Variants in KCNQ3 observed in about 807,000 individuals in gnomAD.
The protein encoded by KCNQ3 is potassium voltage-gated channel subfamily KQT member 3.
KCNQ3 carries 30 observed loss-of-function variants against 92.5 expected under a neutral mutation model. The observed-to-expected ratio is 0.32, with a 90% confidence interval of 0.24 to 0.44. The LOEUF (loss-of-function observed/expected upper bound fraction) is 0.44. KCNQ3 is among the 20% of genes least tolerant of loss of function. KCNQ3 has a pLI of 1.00. For missense variants in KCNQ3, 913 were observed against 1,140.3 expected, an observed-to-expected ratio of 0.80 and a Z score of 2.87; for synonymous variants, 450 against 468.8, an observed-to-expected ratio of 0.96 and a Z score of 0.52.
At chr8:132,394,158 TCAGGGCCTTCTATGTGC>T (rs1461493276) in intron 1 of KCNQ3, among the ~76,000 whole-genome samples, 1 of 152,236 alleles carries the variant, frequency 6.6e-6, no homozygotes, top group Non-Finnish European at 1.5e-5. Context: ...GCAAGTACTC[TCAGGGCCTTCTATGTGC>T]CAAGCACTAT....
At chr8:132,281,050 G>C (rs1292915097) in intron 1 of KCNQ3, among the ~76,000 whole-genome samples, 2 of 152,154 alleles carry the variant, frequency 1.3e-5, no homozygotes, top group Non-Finnish European at 2.9e-5. Flanking sequence ...GAAAGCTGAG[G>C]GTGAGGAGCT....
At chr8:132,282,325 T>C (rs188590690) in intron 1 of KCNQ3, among the ~76,000 whole-genome samples, 50 of 152,322 alleles carry the variant, frequency 3.3e-4, no homozygotes, top group African/African-American at 1.2e-3. Context: ...GTCCTTCTCC[T>C]GAATTTTAAC....
chr8:132,409,266 T>A (rs888710628), intron 1 of KCNQ3, among the ~76,000 whole-genome samples: 1 of 152,178 alleles, frequency 6.6e-6, no homozygotes, highest in Admixed American at 6.5e-5. Context: ...ATTCACTTAA[T>A]TTACAAACTT....
intron 1 of KCNQ3, among the ~76,000 whole-genome samples, chr8:132,235,278 G>A (rs889463402): frequency 1.3e-5 from 2 of 151,976 alleles, no homozygotes; most frequent in African/African-American, 2.4e-5. Context: ...GGTGGGGGGG[G>A]AATCACCTGA....
At chr8:132,339,684 T>C (rs542126255) in intron 1 of KCNQ3, among the ~76,000 whole-genome samples, 2 of 152,248 alleles carry the variant, frequency 1.3e-5, no homozygotes, top group South Asian at 4.1e-4. Flanking sequence ...AGGGCTTATA[T>C]GACAAGCAAA....
At chr8:132,188,917 T>C (rs1015049838) in intron 1 of KCNQ3, among the ~76,000 whole-genome samples, 8 of 152,360 alleles carry the variant, frequency 5.3e-5, no homozygotes, top group African/African-American at 1.2e-4. Flanking sequence ...CCATTTTACA[T>C]GTTGACCTGG....
rs10673519 is a variant in KCNQ3, at chr8:132,133,354, C to CTTTTTTTTTTT, written c.1799+925_1799+935dup. Among the ~76,000 whole-genome samples, 14 of 103,478 alleles carry CTTTTTTTTTTT rather than the reference C, an allele frequency of 1.4e-4. 2 individuals are homozygous for CTTTTTTTTTTT. Among genetic ancestry groups the CTTTTTTTTTTT allele is most frequent in the Non-Finnish European group, 1.8e-4 (10 of 55,058 alleles). 67.9% of individuals were successfully genotyped at this position (103,478 alleles called of 152,430 possible). A position where few individuals can be genotyped will look rare whatever the true frequency, so the allele number is the denominator to read the frequency against. On this transcript the variant is annotated intron_variant, in intron 13 of 14. Coordinates refer to ENST00000388996, the MANE Select transcript of KCNQ3 (RefSeq NM_004519.4). ...TATCATCACGTTAATGCTCTCGATT[C>CTTTTTTTTTTT]TTTTTTTTTTTTTTTTTTTTGAGAT...
rs951119728 is a variant in KCNQ3 at position 132,124,113 on chromosome 8, C to G, written c.*5149G>C. On this transcript the variant is annotated 3_prime_UTR_variant, in exon 15 of 15. Transcript: ENST00000388996. The stretch of plus-strand genomic sequence containing the variant: ...ATTGCCACAACTCAGCCACTGAGAT[C>G]CAACATTCCTGCCTCTCTTCATTCC... 6.6e-6 allele frequency: 1 copy of G among 152,166 alleles called. No homozygotes were observed. Among genetic ancestry groups the G allele is most frequent in the African/African-American group, 2.4e-5 (1 of 41,420 alleles). 9.4% of individuals were successfully genotyped at this position (152,166 alleles called of 1,614,324 possible).
At chr8:132,339,122 C>A (rs1266057754) in intron 1 of KCNQ3, among the ~76,000 whole-genome samples, 1 of 152,176 alleles carries the variant, frequency 6.6e-6, no homozygotes. Context: ...ATTAATCAGG[C>A]AGCTGTGTGG....
chr8:132,433,447 T>G (rs1821303544), intron 1 of KCNQ3, among the ~76,000 whole-genome samples: 1 of 152,230 alleles, frequency 6.6e-6, no homozygotes, highest in East Asian at 1.9e-4. Flanking sequence ...AGACACAGCA[T>G]TCTCATTTCT....
intron 1 of KCNQ3, among the ~76,000 whole-genome samples, chr8:132,227,658 A>G (rs558588060): frequency 6.6e-6 from 1 of 152,304 alleles, no homozygotes; most frequent in African/African-American, 2.4e-5. Context: ...ATTGAAGGTG[A>G]CTACACTGGC....
chr8:132,260,107 T>C (rs559996891), intron 1 of KCNQ3, among the ~76,000 whole-genome samples: 32 of 152,298 alleles, frequency 2.1e-4, no homozygotes, highest in Admixed American at 5.9e-4. Flanking sequence ...ATAATCAAAT[T>C]CCTAGTTGTA....
chr8:132,309,468 A>T (rs1245098965), intron 1 of KCNQ3, among the ~76,000 whole-genome samples: 1 of 152,238 alleles, frequency 6.6e-6, no homozygotes, highest in Admixed American at 6.5e-5. Context: ...TGTATGGAGC[A>T]TTATGCACAC....
At chr8:132,294,087 G>C in intron 1 of KCNQ3, among the ~76,000 whole-genome samples, 1 of 140,536 alleles carries the variant, frequency 7.1e-6, no homozygotes, top group Non-Finnish European at 1.5e-5. Flanking sequence ...TGCAACCTCC[G>C]CCTCCCGGGT....
At chr8:132,285,929 C>T (rs1221969186) in intron 1 of KCNQ3, among the ~76,000 whole-genome samples, 1 of 152,104 alleles carries the variant, frequency 6.6e-6, no homozygotes, top group African/African-American at 2.4e-5. Context: ...TCCAGTGGCC[C>T]CAGGTGTGGC....
intron 4 of KCNQ3, among the ~76,000 whole-genome samples, chr8:132,176,854 C>T (rs1194175152): frequency 6.6e-6 from 1 of 152,364 alleles, no homozygotes; most frequent in South Asian, 2.1e-4. Context: ...TTATTATGCT[C>T]ATTTGCTATT....
chr8:132,429,917 G>A (rs1821207029), intron 1 of KCNQ3, among the ~76,000 whole-genome samples: 2 of 150,638 alleles, frequency 1.3e-5, no homozygotes, highest in South Asian at 4.2e-4. Context: ...CTTACCTAGA[G>A]TTCCTCTGCT....
chr8:132,311,118 C>T (rs1035797619), intron 1 of KCNQ3, among the ~76,000 whole-genome samples: 5 of 151,980 alleles, frequency 3.3e-5, no homozygotes, highest in African/African-American at 7.2e-5. Flanking sequence ...CTATTAGAGA[C>T]GGAGTTTTAC....
intron 1 of KCNQ3, among the ~76,000 whole-genome samples, chr8:132,401,046 CAGGA>C (rs1346421261): frequency 6.6e-6 from 1 of 152,134 alleles, no homozygotes; most frequent in Non-Finnish European, 1.5e-5. Context: ...AAAACAAGAG[CAGGA>C]AGGTCCAGGC....
Sources: gnomAD v4.1 joint callset for allele counts (sites outside exome capture counted in the v4.1 genomes callset) on GRCh38, gnomAD v4.1.1 for gene constraint, MANE v1.5 for transcripts, NCBI Gene and HGNC (gene_info 2026-07-23, HGNC 2026-07-21) for gene names.